SLC4A4: variants seen among roughly 807,000 people sequenced by gnomAD.
SLC4A4 encodes the protein solute carrier family 4 member 4, also known as electrogenic sodium bicarbonate cotransporter 1.
SLC4A4 carries 27 observed loss-of-function variants against 111.5 expected under a neutral mutation model. The observed-to-expected ratio is 0.24, with a 90% CI of 0.18 to 0.33. The LOEUF is 0.33. SLC4A4 is among the 10% of genes least tolerant of loss of function. The pLI is 1.00. For missense variants in SLC4A4, 909 were observed against 1,315.5 expected, an observed-to-expected ratio of 0.69 and a Z score of 4.78; for synonymous variants, 443 against 463.4, an observed-to-expected ratio of 0.96 and a Z score of 0.57.
At chr4:71,215,298 G>A (rs1374403674) in intron 1 of SLC4A4, among the ~76,000 whole-genome samples, 2 of 152,078 alleles carry the variant, frequency 1.3e-5, no homozygotes, top group Non-Finnish European at 2.9e-5. Flanking sequence ...GTTTTACTAA[G>A]AACTTTGTGT....
chr4:71,407,755 A>G (rs1720996149), intron 7 of SLC4A4, among the ~76,000 whole-genome samples: 1 of 152,146 alleles, frequency 6.6e-6, no homozygotes, highest in Non-Finnish European at 1.5e-5. Flanking sequence ...AAACTTTCCA[A>G]ATTTGAGGAA....
chr4:71,475,086 CATAA>C (rs1222865441), intron 14 of SLC4A4, among the ~76,000 whole-genome samples: 3 of 151,656 alleles, frequency 2.0e-5, no homozygotes, highest in Non-Finnish European at 2.9e-5. Flanking sequence ...TTAATTTATA[CATAA>C]ATATATGTGT....
intron 1 of SLC4A4, among the ~76,000 whole-genome samples, chr4:71,195,665 C>T (rs866617346): frequency 2.0e-5 from 3 of 152,178 alleles, no homozygotes; most frequent in East Asian, 1.9e-4. Flanking sequence ...TGCATCCAGG[C>T]GTGCCTGGTT....
At chr4:71,368,250 A>G (rs1731514071) in intron 6 of SLC4A4, among the ~76,000 whole-genome samples, 1 of 152,214 alleles carries the variant, frequency 6.6e-6, no homozygotes, top group Non-Finnish European at 1.5e-5. Flanking sequence ...ATGTATCTGG[A>G]GAAACCATAC....
intron 6 of SLC4A4, among the ~76,000 whole-genome samples, chr4:71,378,064 A>T (rs1001720534): frequency 6.6e-6 from 1 of 152,108 alleles, no homozygotes; most frequent in Admixed American, 6.6e-5. Flanking sequence ...CACAGGAGAG[A>T]CCAGTCCCCA....
At chr4:71,248,425 T>C (rs577618572) in intron 2 of SLC4A4, among the ~76,000 whole-genome samples, 1 of 150,576 alleles carries the variant, frequency 6.6e-6, no homozygotes, top group South Asian at 2.1e-4. Context: ...TTTGTATAGG[T>C]AAATTTATAT....
chr4:71,205,002 TG>T, intron 1 of SLC4A4, among the ~76,000 whole-genome samples: 1 of 152,210 alleles, frequency 6.6e-6, no homozygotes. Context: ...ACTGAGGTCA[TG>T]GGTGATGGTG....
At chr4:71,522,833 T>A (rs1003044149) in intron 16 of SLC4A4, among the ~76,000 whole-genome samples, 1 of 152,214 alleles carries the variant, frequency 6.6e-6, no homozygotes, top group Admixed American at 6.5e-5. Context: ...ATTTAGATAA[T>A]GCAGAATGTT....
intron 2 of SLC4A4, among the ~76,000 whole-genome samples, chr4:71,249,141 A>G (rs1303267406): frequency 6.6e-6 from 1 of 152,158 alleles, no homozygotes; most frequent in Non-Finnish European, 1.5e-5. Flanking sequence ...GGCTTTCAGT[A>G]TATAAAATTC....
At chr4:71,107,189 C>A (rs887362345) in intron 2 of SLC4A4, among the ~76,000 whole-genome samples, 2 of 151,956 alleles carry the variant, frequency 1.3e-5, no homozygotes, top group Non-Finnish European at 1.5e-5. Context: ...TTCATTCTGC[C>A]AATCTCTGTC....
intron 3 of SLC4A4, among the ~76,000 whole-genome samples, chr4:71,325,781 T>C (rs1053983064): frequency 1.7e-4 from 26 of 151,982 alleles, no homozygotes; most frequent in Admixed American, 1.6e-3. Flanking sequence ...CAAATGGTTA[T>C]ACAAGTATAA....
intron 5 of SLC4A4, among the ~76,000 whole-genome samples, chr4:71,353,854 T>G (rs919832036): frequency 2.0e-5 from 3 of 152,206 alleles, no homozygotes; most frequent in Admixed American, 1.3e-4. Context: ...CTGAGAGGCA[T>G]CTCACCCTGC....
chr4:71,485,407 C>A (rs1186094593), intron 14 of SLC4A4, among the ~76,000 whole-genome samples: 2 of 151,316 alleles, frequency 1.3e-5, no homozygotes, highest in African/African-American at 4.8e-5. Context: ...GTATTTTTTT[C>A]TTTAGTTCTG....
intron 7 of SLC4A4, among the ~76,000 whole-genome samples, chr4:71,402,685 G>C (rs984785855): frequency 7.2e-5 from 11 of 152,194 alleles, no homozygotes; most frequent in Non-Finnish European, 2.9e-5. Flanking sequence ...AGGGTACTTA[G>C]AGGTCCTTAG....
chr4:71,281,673 C>T (rs933681762), intron 3 of SLC4A4, among the ~76,000 whole-genome samples: 9 of 152,202 alleles, frequency 5.9e-5, no homozygotes, highest in Admixed American at 3.3e-4. Flanking sequence ...TTAAGTGTAA[C>T]GTGTTAGGGA....
chr4:71,403,739 T>C (rs776466304), intron 7 of SLC4A4, among the ~76,000 whole-genome samples: 17 of 152,144 alleles, frequency 1.1e-4, no homozygotes, highest in Non-Finnish European at 2.2e-4. Context: ...TTATTCTGAG[T>C]GCGGTGAGAC....
At chr4:71,491,269 C>T (rs149527384) in intron 15 of SLC4A4, among the ~76,000 whole-genome samples, 1 of 151,844 alleles carries the variant, frequency 6.6e-6, no homozygotes, top group Non-Finnish European at 1.5e-5. Context: ...AACAACTTAA[C>T]CTTGAGGCTT....
chr4:71,130,007 G>A (rs112411774), intron 2 of SLC4A4, among the ~76,000 whole-genome samples: 3,083 of 152,014 alleles, frequency 0.02, 113 homozygotes, highest in African/African-American at 0.071. Flanking sequence ...AGGAGGGTGA[G>A]GATTAAAAAA....
upstream of SLC4A4, among the ~76,000 whole-genome samples, chr4:71,182,960 G>A (rs1176895523): frequency 1.3e-5 from 2 of 152,196 alleles, no homozygotes; most frequent in Non-Finnish European, 2.9e-5. Context: ...ATTCCTGCAG[G>A]AGGAAGGGGC....
Sources: gnomAD v4.1 joint callset for allele counts (sites outside exome capture counted in the v4.1 genomes callset) on GRCh38, gnomAD v4.1.1 for gene constraint, MANE v1.5 for transcripts, NCBI Gene and HGNC (gene_info 2026-07-23, HGNC 2026-07-21) for gene names.